The following POLR1D variants were observed in gnomAD, a reference collection of about 807,000 sequenced individuals.
POLR1D encodes RNA polymerase I and III subunit D.
A neutral mutation model predicts 10.8 loss-of-function variants in POLR1D; 8 were observed. The ratio of observed to expected loss-of-function variants is 0.74; its 90% CI spans 0.43 to 1.33. The LOEUF (loss-of-function observed/expected upper bound fraction) is 1.33, where lower values mean the gene tolerates loss of function less well. Ranked by LOEUF, POLR1D falls within the 40% of genes most tolerant of loss-of-function variation. The pLI is 0.01. For missense variants in POLR1D, 152 were observed against 161.7 expected (o/e 0.94, Z 0.32); for synonymous variants, 54 against 57.2 (o/e 0.94, Z 0.25).
At chr13:27,635,749 A>AT (rs200120452) in intron 1 of POLR1D, among the ~76,000 whole-genome samples, 12,462 of 144,022 alleles carry the variant, frequency 0.087, 787 homozygotes, top group East Asian at 0.33. Flanking sequence ...TATATATATA[A>AT]ATTGTATTTA....
chr13:27,636,761 G>A (rs188825443), intron 1 of POLR1D, among the ~76,000 whole-genome samples: 58 of 152,128 alleles, frequency 3.8e-4, no homozygotes, highest in Non-Finnish European at 7.8e-4. Context: ...TTTCCCCTGC[G>A]GTCTCAATTG....
chr13:27,632,708 A>G (rs1956086668), intron 1 of POLR1D, among the ~76,000 whole-genome samples: 1 of 144,796 alleles, frequency 6.9e-6, no homozygotes, highest in Admixed American at 7.7e-5. Context: ...CATATGAGAT[A>G]TATAATTTAC....
At chr13:27,652,982 C>T (rs1956280095) in intron 2 of POLR1D, among the ~76,000 whole-genome samples, 1 of 140,348 alleles carries the variant, frequency 7.1e-6, no homozygotes, top group Non-Finnish European at 1.5e-5. Context: ...TCACTGCAAC[C>T]TCTGCCTCCC....
chr13:27,630,910 A>T (rs990292115), intron 1 of POLR1D, among the ~76,000 whole-genome samples: 3 of 151,842 alleles, frequency 2.0e-5, no homozygotes, highest in African/African-American at 7.3e-5. Flanking sequence ...ATCACCTGTG[A>T]CTCTGCCACG....
chr13:27,651,502 T>G (rs994076303), intron 2 of POLR1D: 1 of 152,196 alleles, frequency 6.6e-6, no homozygotes, highest in Non-Finnish European at 1.5e-5. Flanking sequence ...CTTTTAGAAA[T>G]GTATTCTGAT....
Position 27,623,215 on chromosome 13 carries a change from G to T in POLR1D, c.367G>T (p.Asp123Tyr). 2 of 1,613,992 alleles carry T rather than the reference G, an allele frequency of 1.2e-6. No individual in the cohort carries two copies. Among genetic ancestry groups the T allele is most frequent in the Non-Finnish European group, 1.7e-6 (2 of 1,180,028 alleles). ...TGAGGCCAGCATAAAGGACTATAAG[G>T]ATCAAAAAGCAAGCAGAAATGAATC... is the stretch of plus-strand genomic sequence containing the variant. ...KFEASIKDYKDQKASRNESTF is the reference protein window; with the variant it reads ...KFEASIKDYKYQKASRNESTF Residue 123 changes from aspartate to tyrosine, a missense_variant, in exon 2 of 2, where the codon GAT (aspartate) becomes TAT (tyrosine). By Grantham distance (160) the Asp-to-Tyr change is radical (BLOSUM62 -3). Transcript: ENST00000302979.
Position 27,621,942 on chromosome 13 carries a change from G to T in POLR1D, c.-42G>T, listed in dbSNP as rs1187341489. 2 of 1,577,040 alleles carry T rather than the reference G, an allele frequency of 1.3e-6. No individual in the cohort carries two copies. Among genetic ancestry groups the T allele is most frequent in the Non-Finnish European group, 1.7e-6 (2 of 1,160,648 alleles). On this transcript the variant is annotated 5_prime_UTR_variant, in exon 1 of 2. Coordinates refer to ENST00000302979, the MANE Select transcript of POLR1D (RefSeq NM_015972.4). ...CCTCGCGCTATGGGACAGAGCCCCC[G>T]ATCCGCCAGCACCACCTGAGGATCC...
At chr13:27,622,419 C>T (rs1319156273) in intron 1 of POLR1D, 2 of 301,776 alleles carry the variant, frequency 6.6e-6, no homozygotes, top group Non-Finnish European at 1.2e-5. Context: ...CCTGAACCTT[C>T]CATTCTCCTA....
exon 2 of POLR1D, chr13:27,648,390 A>T: frequency 6.2e-7 from 1 of 1,606,572 alleles, no homozygotes; most frequent in Non-Finnish European, 8.5e-7. Flanking sequence ...AAAGCAATAG[A>T]AGAACTGCTT....
chr13:27,640,247 A>G (rs1209505998), intron 1 of POLR1D, among the ~76,000 whole-genome samples: 1 of 152,210 alleles, frequency 6.6e-6, no homozygotes, highest in East Asian at 1.9e-4. Context: ...TCACAAATAT[A>G]TAGATGCCTC....
chr13:27,623,241 C>T lies in POLR1D; in HGVS notation c.393C>T (p.Ser131=), dbSNP rs1179498929. 3.7e-6 allele frequency: 6 copies of T among 1,613,786 alleles called. No individual in the cohort carries two copies. In the East Asian group the frequency reaches 1.1e-4, roughly 30 times the overall value. ...ATCAAAAAGCAAGCAGAAATGAATCCACATTCTAGTCCTTTATGCAGTATA... is the reference window on the plus strand; with the variant it reads ...ATCAAAAAGCAAGCAGAAATGAATCTACATTCTAGTCCTTTATGCAGTATA... The part of the protein sequence containing the change: ...YKDQKASRNE[S]TF Residue 131 remains serine (S), a synonymous_variant, in exon 2 of 2, where the codon TCC becomes TCT. Transcript: ENST00000302979.
exon 3 of POLR1D, chr13:27,665,935 G>C: frequency 6.2e-7 from 1 of 1,614,196 alleles, no homozygotes; most frequent in Non-Finnish European, 8.5e-7. Flanking sequence ...AGTACGAAAA[G>C]CGGTCCAACC....
chr13:27,634,498 A>G (rs2138536550), intron 1 of POLR1D, among the ~76,000 whole-genome samples: 1 of 152,322 alleles, frequency 6.6e-6, no homozygotes, highest in Admixed American at 6.5e-5. Flanking sequence ...TAAAGTAAGA[A>G]GACTGATTTG....
Position 27,636,187 on chromosome 13 carries a change from TATTATA to T in POLR1D, c.27-12183_27-12178del, listed in dbSNP as rs199898557. Among the ~76,000 whole-genome samples, 372 of 152,326 alleles carry T rather than the reference TATTATA, an allele frequency of 2.4e-3. 2 individuals carry two copies. Among genetic ancestry groups the T allele is most frequent in the African/African-American group, 8.4e-3 (351 of 41,576 alleles). On this transcript the variant is annotated intron_variant, in intron 1 of 2. Transcript: ENST00000399697. ...TAAAGGTAATGATCCTGGGCTAAAA[TATTATA>T]ATTATAATCTGTCTCCTCATCGTTT...
intron 2 of POLR1D, among the ~76,000 whole-genome samples, chr13:27,656,690 T>C (rs1157509723): frequency 6.6e-6 from 1 of 152,228 alleles, no homozygotes; most frequent in African/African-American, 2.4e-5. Context: ...TGCAGGGCCA[T>C]GGGCAAAATG....
At position 27,622,982 on chromosome 13, in the gene POLR1D, A is replaced by G. The variant is rs1484150438; in HGVS notation, c.134A>G (p.His45Arg). 1 of 1,614,138 alleles carries G rather than the reference A, an allele frequency of 6.2e-7. No homozygotes were observed. The highest frequency in any genetic ancestry group is 1.7e-5 in the Admixed American group (1 of 60,030). ...AGACACTGTGTGACATTTGTATTGC[A>G]CGAGGAAGACCATACCCTAGGAAAT... is the stretch of plus-strand genomic sequence containing the variant. ...TDRHCVTFVL[H>R]EEDHTLGNSL... The change falls in exon 2 of 2, where the codon CAC (histidine) becomes CGC (arginine). Residue 45 changes from histidine to arginine, a missense_variant. Coordinates refer to ENST00000302979, the MANE Select transcript of POLR1D (RefSeq NM_015972.4).
exon 3 of POLR1D, chr13:27,666,341 G>T (rs537738736): frequency 5.7e-6 from 1 of 174,882 alleles, no homozygotes; most frequent in Non-Finnish European, 1.2e-5. Flanking sequence ...TTTACTTTTT[G>T]GGGGTATTAC....
At chr13:27,661,989 A>C (rs1956368975) in intron 2 of POLR1D, among the ~76,000 whole-genome samples, 1 of 152,220 alleles carries the variant, frequency 6.6e-6, no homozygotes, top group Non-Finnish European at 1.5e-5. Flanking sequence ...ATACAAATCT[A>C]ACCATGTTAA....
chr13:27,659,636 G>C (rs1956340839), intron 2 of POLR1D, among the ~76,000 whole-genome samples: 1 of 152,080 alleles, frequency 6.6e-6, no homozygotes, highest in Non-Finnish European at 1.5e-5. Flanking sequence ...TTCATATCCA[G>C]TTATGAAAGT....
Sources: gnomAD v4.1 joint callset for allele counts (sites outside exome capture counted in the v4.1 genomes callset) on GRCh38, gnomAD v4.1.1 for gene constraint, MANE v1.5 for transcripts, NCBI Gene and HGNC (gene_info 2026-07-23, HGNC 2026-07-21) for gene names.